Variants in SKAP1 observed in about 807,000 individuals in gnomAD.
SKAP1 encodes the protein src kinase-associated phosphoprotein 1.
In SKAP1, 44 loss-of-function variants were observed where a neutral mutation model predicts 58.5. The observed-to-expected ratio is 0.75, with a 90% CI of 0.59 to 0.97. The LOEUF (loss-of-function observed/expected upper bound fraction) is 0.97, where lower values mean the gene tolerates loss of function less well. SKAP1 is among the 50% of genes least tolerant of loss of function. The pLI, the probability that SKAP1 is intolerant of heterozygous loss-of-function variation, is 0.00. For missense variants in SKAP1, 390 were observed against 435.2 expected (o/e 0.90, Z 0.92); for synonymous variants, 127 against 149.7 (o/e 0.85, Z 1.11).
intron 4 of SKAP1, among the ~76,000 whole-genome samples, chr17:48,296,455 A>G (rs2065974042): frequency 6.6e-6 from 1 of 152,238 alleles, no homozygotes; most frequent in East Asian, 1.9e-4. Flanking sequence ...TCAAAGTCCT[A>G]AAACAAGTAA....
At chr17:48,135,592 C>T (rs940970516) in intron 12 of SKAP1, among the ~76,000 whole-genome samples, 21 of 152,120 alleles carry the variant, frequency 1.4e-4, no homozygotes, top group African/African-American at 5.1e-4. Flanking sequence ...TTCCTCCCAC[C>T]TTAGCCTCCC....
At chr17:48,170,911 T>G (rs565963875) in intron 9 of SKAP1, among the ~76,000 whole-genome samples, 1 of 152,108 alleles carries the variant, frequency 6.6e-6, no homozygotes, top group South Asian at 2.1e-4. Flanking sequence ...TTCACTATGT[T>G]GGCCAGGTTG....
At chr17:48,418,971 G>A (rs1407047270) in intron 1 of SKAP1, among the ~76,000 whole-genome samples, 2 of 152,074 alleles carry the variant, frequency 1.3e-5, no homozygotes, top group Non-Finnish European at 2.9e-5. Flanking sequence ...CTTGATCTGG[G>A]GAGTGGTCAC....
chr17:48,147,588 A>G (rs1297977200), intron 11 of SKAP1, among the ~76,000 whole-genome samples: 1 of 152,180 alleles, frequency 6.6e-6, no homozygotes, highest in East Asian at 1.9e-4. Flanking sequence ...TTCAGCACAG[A>G]TAGTTTTATG....
intron 4 of SKAP1, chr17:48,308,302 C>G (rs1238462077): frequency 6.6e-6 from 1 of 152,228 alleles, no homozygotes; most frequent in South Asian, 2.1e-4. Flanking sequence ...TCCAGAGGAA[C>G]CTAATTTTGT....
At chr17:48,295,467 G>C (rs2065954813) in intron 4 of SKAP1, 1 of 152,044 alleles carries the variant, frequency 6.6e-6, no homozygotes, top group Non-Finnish European at 1.5e-5. Context: ...GCAAGCAATT[G>C]AAAGGATTCA....
chr17:48,195,959 A>C (rs909072114), intron 4 of SKAP1, among the ~76,000 whole-genome samples: 5 of 152,236 alleles, frequency 3.3e-5, no homozygotes, highest in African/African-American at 1.2e-4. Context: ...AAAAGCAGAT[A>C]ATAAACAAAA....
At chr17:48,272,637 C>CCTCT (rs2065647763) in intron 4 of SKAP1, among the ~76,000 whole-genome samples, 1 of 152,116 alleles carries the variant, frequency 6.6e-6, no homozygotes, top group Non-Finnish European at 1.5e-5. Flanking sequence ...CTTACTGCAA[C>CCTCT]CTCTGCCCAT....
chr17:48,177,320 G>A (rs979787917), intron 9 of SKAP1, among the ~76,000 whole-genome samples: 6 of 152,170 alleles, frequency 3.9e-5, no homozygotes, highest in African/African-American at 9.7e-5. Context: ...ATAACAGCCA[G>A]CATTTACTGA....
intron 4 of SKAP1, among the ~76,000 whole-genome samples, chr17:48,260,686 G>A (rs1294654885): frequency 6.6e-6 from 1 of 151,868 alleles, no homozygotes; most frequent in Non-Finnish European, 1.5e-5. Flanking sequence ...TTGTAAGATG[G>A]AAAAAAAGGA....
intron 2 of SKAP1, among the ~76,000 whole-genome samples, chr17:48,379,904 G>C (rs1237169625): frequency 6.6e-6 from 1 of 152,036 alleles, no homozygotes; most frequent in African/African-American, 2.4e-5. Context: ...GGCTGGTCTC[G>C]AACACCTGAC....
chr17:48,167,422 A>C (rs1334569665), intron 10 of SKAP1, among the ~76,000 whole-genome samples: 1 of 152,102 alleles, frequency 6.6e-6, no homozygotes, highest in East Asian at 1.9e-4. Context: ...TAATCAGCTC[A>C]TGTTTGGTCT....
chr17:48,146,958 G>T (rs747343064), intron 11 of SKAP1, among the ~76,000 whole-genome samples: 5 of 152,180 alleles, frequency 3.3e-5, no homozygotes, highest in Non-Finnish European at 7.3e-5. Flanking sequence ...TGTGACTTCA[G>T]AGTTGTGGTG....
chr17:48,316,658 C>T (rs774567038), intron 4 of SKAP1, among the ~76,000 whole-genome samples: 11 of 152,082 alleles, frequency 7.2e-5, no homozygotes, highest in Non-Finnish European at 1.3e-4. Flanking sequence ...AGTCTAAGGT[C>T]GTGCACATAG....
chr17:48,193,784 G>A (rs55696440), intron 4 of SKAP1: 88,892 of 949,528 alleles, frequency 0.094, 4,498 homozygotes, highest in East Asian at 0.19. Context: ...ACTGGTAAAC[G>A]AACAGATCTG....
chr17:48,420,464 G>GA (rs1007812922), intron 1 of SKAP1, among the ~76,000 whole-genome samples: 3 of 151,974 alleles, frequency 2.0e-5, no homozygotes, highest in Non-Finnish European at 2.9e-5. Context: ...ATGTGGCAGG[G>GA]AAAAAAATAT....
At position 48,313,039 on chromosome 17, in the gene SKAP1, AG is replaced by A. The variant is rs561968966; in HGVS notation, c.280+32865del. On this transcript the variant is annotated intron_variant, in intron 4 of 12. Coordinates refer to ENST00000336915, the MANE Select transcript of SKAP1 (RefSeq NM_003726.4). ...AACTACTTTAATTCTATATTCCTAA[AG>A]GGATATGGATGAGAAAAAATCTTCT... 8.6e-4 allele frequency among the ~76,000 whole-genome samples: 131 copies of A among 151,494 alleles called. 1 individual carries two copies. The highest frequency in any genetic ancestry group is 1.5e-3 in the Non-Finnish European group (105 of 67,952).
intron 2 of SKAP1, among the ~76,000 whole-genome samples, chr17:48,384,820 T>C (rs2067256387): frequency 6.6e-6 from 1 of 152,128 alleles, no homozygotes; most frequent in South Asian, 2.1e-4. Context: ...AGGTATGCAA[T>C]ATGCTGTCTG....
At chr17:48,386,968 C>T (rs1047045354) in intron 2 of SKAP1, among the ~76,000 whole-genome samples, 2 of 152,132 alleles carry the variant, frequency 1.3e-5, no homozygotes, top group East Asian at 3.9e-4. Context: ...CTGGCTGGAA[C>T]CTGAAAACTC....
Sources: allele counts gnomAD v4.1 joint callset (sites outside exome capture counted in the v4.1 genomes callset), GRCh38; gene constraint gnomAD v4.1.1; transcripts MANE v1.5; gene names NCBI Gene and HGNC (gene_info 2026-07-23, HGNC 2026-07-21).